The following ACOT7 variants were observed in gnomAD, a reference collection of about 807,000 sequenced individuals.
ACOT7 encodes the protein acyl-CoA thioesterase 7.
In ACOT7, 12 loss-of-function variants were observed where a neutral mutation model predicts 40.2. The observed-to-expected ratio is 0.30, with a 90% confidence interval of 0.19 to 0.48. The LOEUF is 0.48. Ranked by LOEUF, ACOT7 falls within the 20% of genes least tolerant of loss-of-function variation. The pLI, the probability that ACOT7 is intolerant of heterozygous loss-of-function variation, is 0.99. For synonymous variants in ACOT7, 228 were observed against 219.5 expected (o/e 1.04, Z -0.34); for missense variants, 395 against 530.8 (o/e 0.74, Z 2.51).
chr1:6,269,587 G>A (rs901164639), intron 8 of ACOT7, among the ~76,000 whole-genome samples: 17 of 152,250 alleles, frequency 1.1e-4, no homozygotes, highest in African/African-American at 2.4e-4. Flanking sequence ...TCTCAGGGTC[G>A]GCTCCAGGCT....
intron 2 of ACOT7, among the ~76,000 whole-genome samples, chr1:6,349,374 A>G (rs900521433): frequency 2.1e-4 from 32 of 152,132 alleles, no homozygotes; most frequent in African/African-American, 7.7e-4. Context: ...GACCTCTCCT[A>G]CATCTGCTGT....
At chr1:6,384,549 T>A (rs1205030876) in intron 1 of ACOT7, among the ~76,000 whole-genome samples, 1 of 151,868 alleles carries the variant, frequency 6.6e-6, no homozygotes, top group Non-Finnish European at 1.5e-5. Flanking sequence ...AACATGGGTG[T>A]CTCTTTCAAC....
intron 1 of ACOT7, among the ~76,000 whole-genome samples, chr1:6,385,318 C>T (rs1388505930): frequency 6.6e-6 from 1 of 151,720 alleles, no homozygotes; most frequent in Non-Finnish European, 1.5e-5. Context: ...CAGGTCTCCA[C>T]TGAGGGTGGC....
At chr1:6,366,113 C>T (rs561552614) in intron 1 of ACOT7, among the ~76,000 whole-genome samples, 6 of 151,922 alleles carry the variant, frequency 3.9e-5, no homozygotes, top group Non-Finnish European at 8.8e-5. Flanking sequence ...CCATGCTGGT[C>T]TTGAACTCCT....
intron 1 of ACOT7, among the ~76,000 whole-genome samples, chr1:6,354,667 G>A (rs1428023540): frequency 6.8e-5 from 5 of 73,174 alleles, no homozygotes; most frequent in African/African-American, 3.0e-4. Context: ...CCCCGTGGCC[G>A]CTGCACTGGC....
rs1335124717 is a variant in ACOT7 at position 6,376,168 on chromosome 1, T to A, written c.143+17089A>T. On this transcript the variant is annotated intron_variant, in intron 1 of 8. Coordinates refer to ENST00000361521, the MANE Select transcript of ACOT7 (RefSeq NM_007274.4). ...TACTCAGGAGGCTGAGGCAGGAGAA[T>A]CACTTGAACCTGGGAGTCAGGAGGT... Among the ~76,000 whole-genome samples, 5 of 152,050 alleles carry A rather than the reference T, an allele frequency of 3.3e-5. No homozygotes were observed. The South Asian group carries it at 6.2e-4, about 19-fold the overall frequency.
rs1396856871 is a variant in ACOT7, at chr1:6,294,614, G to A, written c.829+250C>T. Among the ~76,000 whole-genome samples, 1 of 152,208 alleles carries A rather than the reference G, an allele frequency of 6.6e-6. No individual in the cohort carries two copies. Among genetic ancestry groups the A allele is most frequent in the Admixed American group, 6.5e-5 (1 of 15,280 alleles). ...CTCTGTCTGTGGAGCGTTTTCAGAG[G>A]GTGAGTTTAGGCAGGTCTTTAGGAG... On this transcript the variant is annotated intron_variant, in intron 7 of 8. Coordinates refer to ENST00000361521, the MANE Select transcript of ACOT7 (RefSeq NM_007274.4). The surrounding 1 kb of genome is among the most constrained non-coding windows in gnomAD (Gnocchi z 4.6).
At chr1:6,270,892 G>A (rs981215754) in intron 8 of ACOT7, among the ~76,000 whole-genome samples, 1 of 152,144 alleles carries the variant, frequency 6.6e-6, no homozygotes, top group Admixed American at 6.5e-5. Context: ...TCACCTTAAC[G>A]CAGCGGGCCC....
rs906958580 is a variant in ACOT7, at chr1:6,330,053, AGTGTGTGTGTGTG to A, written c.511-2653_511-2641del. Among the ~76,000 whole-genome samples, 7 of 151,872 alleles carry A rather than the reference AGTGTGTGTGTGTG, an allele frequency of 4.6e-5. No individual in the cohort carries two copies. The highest frequency in any genetic ancestry group is 1.5e-4 in the African/African-American group (6 of 41,374). On this transcript the variant is annotated intron_variant, in intron 4 of 8. Coordinates refer to ENST00000361521, the MANE Select transcript of ACOT7 (RefSeq NM_007274.4). This position sits in a 1 kb window ranked among gnomAD's most constrained non-coding sequence, Gnocchi z 4.6. ...GGGAGACGCACACATCCAGGAAACC[AGTGTGTGTGTGTG>A]GTGTGTGTGTGTGTGTGCGTGTTCA...
At chr1:6,266,195 T>C (rs989148030) in intron 8 of ACOT7, among the ~76,000 whole-genome samples, 2 of 152,172 alleles carry the variant, frequency 1.3e-5, no homozygotes, top group Non-Finnish European at 2.9e-5. Flanking sequence ...AAAAATAAAA[T>C]TTGAGGCTAT....
In ACOT7 at chr1:6,282,377, G is replaced by A. The variant is rs1255353292; in HGVS notation, c.830-1091C>T. Among the ~76,000 whole-genome samples, 2 of 152,166 alleles carry A rather than the reference G, an allele frequency of 1.3e-5. No homozygotes were observed. Among genetic ancestry groups the A allele is most frequent in the East Asian group, 3.9e-4 (2 of 5,178 alleles). ...GGCCACCAGGCTGCAGAAACCCCCGGGGACTTCCGGGGCAAGTGCTGCCCT... is the reference window on the plus strand; with the variant it reads ...GGCCACCAGGCTGCAGAAACCCCCGAGGACTTCCGGGGCAAGTGCTGCCCT... On this transcript the variant is annotated intron_variant, in intron 7 of 8. Transcript: ENST00000361521. This position sits in a 1 kb window ranked among gnomAD's most constrained non-coding sequence, Gnocchi z 4.5.
At chr1:6,371,782 C>T (rs1277467884) in intron 1 of ACOT7, among the ~76,000 whole-genome samples, 2 of 152,014 alleles carry the variant, frequency 1.3e-5, no homozygotes, top group Non-Finnish European at 2.9e-5. Flanking sequence ...TAGGGGCTCA[C>T]GCCTGTAATC....
chr1:6,328,839 G>A (rs955116633), intron 4 of ACOT7, among the ~76,000 whole-genome samples: 1 of 152,200 alleles, frequency 6.6e-6, no homozygotes. Context: ...CACCACACTC[G>A]GATGGGACCC....
At position 6,275,016 on chromosome 1, in the gene ACOT7, C is replaced by T. The variant is rs985496422; in HGVS notation, c.1014+6086G>A. 2.0e-5 allele frequency among the ~76,000 whole-genome samples: 3 copies of T among 152,306 alleles called. No homozygotes were observed. Among genetic ancestry groups the T allele is most frequent in the Admixed American group, 6.5e-5 (1 of 15,306 alleles). Reference sequence around the variant, plus strand: ...GTCACAGATGGGCCTGCTGGCCGTGCGACCCCTGGCGAGTGACTCCCTGCC... The same window carrying T: ...GTCACAGATGGGCCTGCTGGCCGTGTGACCCCTGGCGAGTGACTCCCTGCC... On this transcript the variant is annotated intron_variant, in intron 8 of 8. Transcript: ENST00000361521. This position sits in a 1 kb window ranked among gnomAD's most constrained non-coding sequence, Gnocchi z 5.6.
Position 6,299,652 on chromosome 1 carries a change from G to A in ACOT7, c.713-4672C>T, listed in dbSNP as rs1400273352. Among the ~76,000 whole-genome samples the A allele has an allele frequency of 6.7e-6, 1 of 148,868 alleles. No individual in the cohort carries two copies. The highest frequency in any genetic ancestry group is 1.5e-5 in the Non-Finnish European group (1 of 67,574). On this transcript the variant is annotated intron_variant, in intron 6 of 8. Transcript: ENST00000361521. This position sits in a 1 kb window ranked among gnomAD's most constrained non-coding sequence, Gnocchi z 4.1. ...TAGGTCATGGCTTCAGAGAGAGAGA[G>A]AGAGAGAGCGCAAGTGTGTGTGTGT... is the stretch of plus-strand genomic sequence containing the variant.
chr1:6,276,894 G>A (rs1639208273), intron 8 of ACOT7, among the ~76,000 whole-genome samples: 1 of 152,126 alleles, frequency 6.6e-6, no homozygotes, highest in Non-Finnish European at 1.5e-5. Context: ...CCACACCCAG[G>A]GGATGGGCTG....
chr1:6,320,586 C>T (rs1260310272), intron 5 of ACOT7, among the ~76,000 whole-genome samples: 1 of 152,208 alleles, frequency 6.6e-6, no homozygotes, highest in Non-Finnish European at 1.5e-5. Flanking sequence ...GAGGCTCACA[C>T]ACCTGAGGTT....
At chr1:6,373,066 C>T (rs1557671989) in intron 1 of ACOT7, among the ~76,000 whole-genome samples, 1 of 152,116 alleles carries the variant, frequency 6.6e-6, no homozygotes, top group Non-Finnish European at 1.5e-5. Context: ...GGACGTGGTT[C>T]GTGATGTCTC....
rs1640335439 is a variant in ACOT7, at chr1:6,311,669, T to G, written c.712+6823A>C. On this transcript the variant is annotated intron_variant, in intron 6 of 8. Coordinates refer to ENST00000361521, the MANE Select transcript of ACOT7 (RefSeq NM_007274.4). The surrounding 1 kb of genome is among the most constrained non-coding windows in gnomAD (Gnocchi z 5.2). ...TAGCTCAAAATGGGTACTAGGCTGC[T>G]CACTTAAGGGTACCCAGGAAGATGA... Among the ~76,000 whole-genome samples, 1 of 152,152 alleles carries G rather than the reference T, an allele frequency of 6.6e-6. No individual in the cohort carries two copies. The highest frequency in any genetic ancestry group is 6.5e-5 in the Admixed American group (1 of 15,274).
Sources: allele counts gnomAD v4.1 joint callset (sites outside exome capture counted in the v4.1 genomes callset), GRCh38; gene constraint gnomAD v4.1.1; non-coding constraint Gnocchi (gnomAD v3.1); transcripts MANE v1.5; gene names NCBI Gene and HGNC (gene_info 2026-07-23, HGNC 2026-07-21).